The following NUMB variants were observed in gnomAD, a reference collection of about 807,000 sequenced individuals.
NUMB encodes protein numb homolog.
In NUMB, 29 loss-of-function variants were observed where a neutral mutation model predicts 59.7. That is an observed-to-expected ratio of 0.49 (90% confidence interval 0.36 to 0.66). NUMB has a LOEUF of 0.66. Among genes scored for constraint, NUMB ranks in the 30% least tolerant of loss-of-function variants. NUMB has a pLI of 0.00. For missense variants in NUMB, 723 were observed against 822.0 expected, an observed-to-expected ratio of 0.88 and a Z score of 1.47; for synonymous variants, 288 against 288.2, an observed-to-expected ratio of 1.00 and a Z score of 0.01.
Position 73,277,306 on chromosome 14 carries a change from A to C in NUMB, c.1241-13T>G. 1.3e-6 allele frequency: 2 copies of C among 1,574,984 alleles called. No individual in the cohort carries two copies. The highest frequency in any genetic ancestry group is 1.7e-6 in the Non-Finnish European group (2 of 1,153,160). On this transcript the variant is annotated splice_polypyrimidine_tract_variant and intron_variant, in intron 12 of 12. Coordinates refer to ENST00000555238, the MANE Select transcript of NUMB (RefSeq NM_001005743.2). ...CCCCACTCGGTCCCTGGAACCAACA[A>C]GATGAGAGACAAAAGAATCAGTTAG... is the stretch of plus-strand genomic sequence containing the variant.
chr14:73,316,046 T>C (rs745503288), intron 6 of NUMB, among the ~76,000 whole-genome samples: 9 of 151,990 alleles, frequency 5.9e-5, no homozygotes, highest in Non-Finnish European at 1.0e-4. Context: ...ATCACCTGTA[T>C]TGTATTTTTG....
intron 3 of NUMB, among the ~76,000 whole-genome samples, chr14:73,366,198 G>T (rs946687745): frequency 6.6e-6 from 1 of 152,126 alleles, no homozygotes; most frequent in East Asian, 1.9e-4. Flanking sequence ...TCCTATGTAT[G>T]GCCCTTATAT....
At chr14:73,363,186 A>G (rs1055272133) in intron 3 of NUMB, among the ~76,000 whole-genome samples, 3 of 152,018 alleles carry the variant, frequency 2.0e-5, no homozygotes, top group African/African-American at 7.2e-5. Flanking sequence ...AGTCCCAGCT[A>G]CTCAGGAGAC....
intron 1 of NUMB, among the ~76,000 whole-genome samples, chr14:73,450,877 C>T (rs1595054149): frequency 2.6e-5 from 4 of 151,656 alleles, no homozygotes; most frequent in African/African-American, 7.3e-5. Flanking sequence ...ATAAACCAAA[C>T]GCAGTGACTC....
At chr14:73,282,600 C>G in intron 10 of NUMB, 95 bp from the exon 11 acceptor site, 3 of 1,307,148 alleles carry the variant, frequency 2.3e-6, no homozygotes, top group Middle Eastern at 1.9e-4. Flanking sequence ...ACTGTATCTC[C>G]TGCTTATGTA....
chr14:73,289,867 AG>A (rs1889277161), intron 8 of NUMB, among the ~76,000 whole-genome samples: 1 of 152,210 alleles, frequency 6.6e-6, no homozygotes, highest in African/African-American at 2.4e-5. Context: ...CTACAGGTCA[AG>A]GAAGCTTGCT....
chr14:73,334,040 G>T (rs965943700), intron 4 of NUMB, among the ~76,000 whole-genome samples: 1 of 150,428 alleles, frequency 6.6e-6, no homozygotes, highest in Non-Finnish European at 1.5e-5. Context: ...AATTTTTGGG[G>T]GTTTTTTGTG....
At chr14:73,398,869 G>A (rs913352925) in intron 2 of NUMB, among the ~76,000 whole-genome samples, 1 of 152,042 alleles carries the variant, frequency 6.6e-6, no homozygotes, top group Non-Finnish European at 1.5e-5. Flanking sequence ...CCACAAGTCA[G>A]CAATTCCTTT....
intron 1 of NUMB, among the ~76,000 whole-genome samples, chr14:73,422,278 C>T (rs1897382684): frequency 6.6e-6 from 1 of 152,196 alleles, no homozygotes; most frequent in Admixed American, 6.5e-5. Context: ...AAACTGGACT[C>T]ATCCTCCTCT....
At chr14:73,427,858 CA>C (rs1222229693) in intron 1 of NUMB, among the ~76,000 whole-genome samples, 1 of 152,184 alleles carries the variant, frequency 6.6e-6, no homozygotes, top group Non-Finnish European at 1.5e-5. Context: ...AACAAACCAA[CA>C]ATCATGATCA....
intron 6 of NUMB, among the ~76,000 whole-genome samples, chr14:73,302,324 TTAA>T (rs1890187708): frequency 6.6e-6 from 1 of 152,136 alleles, no homozygotes; most frequent in Non-Finnish European, 1.5e-5. Context: ...TACTGAAATA[TTAA>T]TGATTAGAGA....
intron 2 of NUMB, among the ~76,000 whole-genome samples, chr14:73,390,855 G>A (rs1432860997): frequency 6.6e-6 from 1 of 151,518 alleles, no homozygotes; most frequent in Non-Finnish European, 1.5e-5. Context: ...CACCATGTTA[G>A]TCAAGCTGGT....
At chr14:73,329,933 C>A (rs1403184111) in intron 4 of NUMB, among the ~76,000 whole-genome samples, 1 of 152,174 alleles carries the variant, frequency 6.6e-6, no homozygotes, top group African/African-American at 2.4e-5. Flanking sequence ...GCCTTCAGAG[C>A]TTAGCTTGTT....
intron 4 of NUMB, among the ~76,000 whole-genome samples, chr14:73,327,240 A>G (rs1046408384): frequency 6.6e-6 from 1 of 152,112 alleles, no homozygotes; most frequent in Non-Finnish European, 1.5e-5. Flanking sequence ...CAAGTTACAG[A>G]ATTTCCACTT....
chr14:73,327,946 T>A (rs1049208528), intron 4 of NUMB, among the ~76,000 whole-genome samples: 1 of 152,114 alleles, frequency 6.6e-6, no homozygotes, highest in Non-Finnish European at 1.5e-5. Flanking sequence ...CAACTACTGA[T>A]CTGTTTTCTA....
chr14:73,433,445 T>TA (rs1286745371), intron 1 of NUMB, among the ~76,000 whole-genome samples: 1 of 152,064 alleles, frequency 6.6e-6, no homozygotes, highest in Non-Finnish European at 1.5e-5. Context: ...TTTAAAGTAG[T>TA]AGTGCTATAG....
intron 6 of NUMB, among the ~76,000 whole-genome samples, chr14:73,307,724 CTGTCT>C (rs1235237032): frequency 6.6e-5 from 9 of 135,862 alleles, no homozygotes; most frequent in Non-Finnish European, 1.2e-4. Flanking sequence ...AATCGGGCCT[CTGTCT>C]TTTTTTTTTT....
intron 4 of NUMB, among the ~76,000 whole-genome samples, chr14:73,343,370 T>C (rs1283756161): frequency 1.3e-5 from 2 of 152,024 alleles, no homozygotes; most frequent in Non-Finnish European, 2.9e-5. Flanking sequence ...AGTAGGAAAA[T>C]GAACAAGAGG....
At chr14:73,339,240 A>G (rs796759022) in intron 4 of NUMB, among the ~76,000 whole-genome samples, 62 of 152,336 alleles carry the variant, frequency 4.1e-4, no homozygotes, top group African/African-American at 1.3e-3. Context: ...ATACTGTAGC[A>G]TGTTTGTAGT....
Sources: allele counts gnomAD v4.1 joint callset (sites outside exome capture counted in the v4.1 genomes callset), GRCh38; gene constraint gnomAD v4.1.1; transcripts MANE v1.5; gene names NCBI Gene and HGNC (gene_info 2026-07-23, HGNC 2026-07-21).